PBXIP1: variants seen among roughly 807,000 people sequenced by gnomAD.
PBXIP1 encodes pre-B-cell leukemia transcription factor-interacting protein 1.
Under a neutral mutation model 73.7 loss-of-function variants are expected in PBXIP1, and 73 were observed. The ratio of observed to expected loss-of-function variants is 0.99; its 90% CI spans 0.82 to 1.20. The LOEUF is 1.20. Ranked by LOEUF, PBXIP1 falls within the 50% of genes most tolerant of loss-of-function variation. The probability of loss-of-function intolerance (pLI) is 0.00; values close to 1 mark genes in which losing one functional copy is unlikely to be tolerated. For missense variants in PBXIP1, 818 were observed against 911.4 expected, an observed-to-expected ratio of 0.90 and a Z score of 1.32; for synonymous variants, 330 against 366.9, an observed-to-expected ratio of 0.90 and a Z score of 1.15.
intron 9 of PBXIP1, 93 bp from the exon 10 acceptor site, chr1:154,946,896 G>T: frequency 7.7e-7 from 1 of 1,301,452 alleles, no homozygotes; most frequent in Non-Finnish European, 1.0e-6. Context: ...ATTATAGTGG[G>T]CAGGTGGCCT....
chr1:154,948,133 CT>C lies in PBXIP1; in HGVS notation c.642del (p.Gly215ValfsTer35), dbSNP rs1193438730. 1 of 1,579,284 alleles carries C rather than the reference CT, an allele frequency of 6.3e-7. No individual in the cohort carries two copies. Among genetic ancestry groups the C allele is most frequent in the Admixed American group, 1.8e-5 (1 of 55,992 alleles). On this transcript the variant is annotated frameshift_variant and splice_region_variant, in exon 6 of 11. Coordinates refer to ENST00000368463, the MANE Select transcript of PBXIP1 (RefSeq NM_020524.4). LOFTEE classifies it high-confidence loss of function. ...VLLGLGVLLF[S>X]GGLSESETGP... is the part of the protein sequence containing the mutation. ...CCCCAGCCTCAGAGGTACCACTCAC[CT>C]GAGAAGAGGAGGACCCCCAGGCCAA...
At position 154,944,391 on chromosome 1, in the gene PBXIP1, C is replaced by T. The variant is rs562759017; in HGVS notation, c.*633G>A. 8 of 152,570 alleles carry T rather than the reference C, an allele frequency of 5.2e-5. No individual in the cohort carries two copies. Among genetic ancestry groups the T allele is most frequent in the African/African-American group, 1.9e-4 (8 of 41,386 alleles). The allele number at this position is 152,570 out of a possible 1,614,324, so 9.5% of individuals were successfully genotyped here. ...AGTGCCTGGGATGGACCCATCCATTCAGGCAGGGGGTGTGGGGTGTCCCCT... is the reference window on the plus strand; with the variant it reads ...AGTGCCTGGGATGGACCCATCCATTTAGGCAGGGGGTGTGGGGTGTCCCCT... On this transcript the variant is annotated 3_prime_UTR_variant, in exon 11 of 11. Coordinates refer to ENST00000368463, the MANE Select transcript of PBXIP1 (RefSeq NM_020524.4).
chr1:154,954,759 C>T (rs1179426321), intron 1 of PBXIP1, among the ~76,000 whole-genome samples: 2 of 152,188 alleles, frequency 1.3e-5, no homozygotes, highest in African/African-American at 4.8e-5. Context: ...GGATCCGCCC[C>T]TTCATCCAAG....
In PBXIP1 at chr1:154,948,020, A is replaced by G. The variant is rs1031363063; in HGVS notation, c.644-15T>C. 7.4e-6 allele frequency: 12 copies of G among 1,612,444 alleles called. No individual in the cohort carries two copies. The highest frequency in any genetic ancestry group is 8.5e-6 in the Non-Finnish European group (10 of 1,179,134). On this transcript the variant is annotated splice_polypyrimidine_tract_variant and intron_variant, in intron 6 of 10. Coordinates refer to ENST00000368463, the MANE Select transcript of PBXIP1 (RefSeq NM_020524.4). ...TGAGAGGCCACCTAAGGACAGAGAC[A>G]GAGGAGTCTGATGAGGCCCTCGGGG... is the stretch of plus-strand genomic sequence containing the variant.
In PBXIP1 at chr1:154,945,850, G is replaced by A. The variant is rs763095769; in HGVS notation, c.1824C>T (p.Ala608=). ...AGGCCAGCTCCTGTTGCCGCACTGGGGCTAGCTCTGTGCCAAAGAAAGTCA... is the reference window on the plus strand; with the variant it reads ...AGGCCAGCTCCTGTTGCCGCACTGGAGCTAGCTCTGTGCCAAAGAAAGTCA... ...EGLTFFGTEL[A]PVRQQELASL... The change falls in exon 10 of 11, where the codon GCC becomes GCT. Residue 608 remains alanine (A), a synonymous_variant. Coordinates refer to ENST00000368463, the MANE Select transcript of PBXIP1 (RefSeq NM_020524.4). The A allele has an allele frequency of 1.2e-5, 20 of 1,614,158 alleles. No individual in the cohort carries two copies. The South Asian group carries it at 1.8e-4, about 14-fold the overall frequency.
In PBXIP1 at chr1:154,946,514, A is replaced by G. The variant is rs766776230; in HGVS notation, c.1160T>C (p.Leu387Pro). The G allele has an allele frequency of 1.2e-6, 2 of 1,610,476 alleles. No individual in the cohort carries two copies. The highest frequency in any genetic ancestry group is 2.2e-5 in the South Asian group (2 of 91,088). The change falls in exon 10 of 11, where the codon CTG becomes CCG. Residue 387 changes from leucine to proline, a missense_variant. Leu to Pro is a moderately conservative substitution (Grantham distance 98, BLOSUM62 -3). Transcript: ENST00000368463. ...ELSFLKQKEQ[L>P]EAEAQALRQE... ...CCTTAATGCCTGTGCCTCAGCCTCCAGCTGTTCCTTCTGCTTCAGGAAGCT... is the reference window on the plus strand; with the variant it reads ...CCTTAATGCCTGTGCCTCAGCCTCCGGCTGTTCCTTCTGCTTCAGGAAGCT...
intron 1 of PBXIP1, among the ~76,000 whole-genome samples, chr1:154,955,676 A>G (rs1571404615): frequency 6.6e-6 from 1 of 151,306 alleles, no homozygotes; most frequent in African/African-American, 2.4e-5. Context: ...AAGAAAACCC[A>G]CCTCCACTCC....
In PBXIP1 at chr1:154,948,367, C is replaced by A; in HGVS notation, c.410-1G>T. ...CAGCGGCCCTCCTCCCTGATCCAAG[C>A]TAGGGGAAAGGACAGGGACAGGGCA... is the stretch of plus-strand genomic sequence containing the variant. On this transcript the variant is annotated splice_acceptor_variant, in intron 5 of 10. Coordinates refer to ENST00000368463, the MANE Select transcript of PBXIP1 (RefSeq NM_020524.4). LOFTEE classifies it high-confidence loss of function. The A allele has an allele frequency of 1.3e-6, 2 of 1,581,962 alleles. No individual in the cohort carries two copies. Among genetic ancestry groups the A allele is most frequent in the Non-Finnish European group, 8.6e-7 (1 of 1,162,576 alleles).
At chr1:154,953,812 C>A in intron 1 of PBXIP1, 55 bp from the exon 2 acceptor site, 1 of 1,158,630 alleles carries the variant, frequency 8.6e-7, no homozygotes. Flanking sequence ...GGGCAGAATG[C>A]AGAAAGCAGC....
At chr1:154,949,834 G>C (rs546854704) in intron 5 of PBXIP1, among the ~76,000 whole-genome samples, 1 of 151,912 alleles carries the variant, frequency 6.6e-6, no homozygotes, top group Non-Finnish European at 1.5e-5. Flanking sequence ...GGGTCAGGAT[G>C]TGTGGGTAAA....
In PBXIP1 at chr1:154,945,758, G is replaced by A. The variant is rs1344818226; in HGVS notation, c.1916C>T (p.Ser639Leu). 8 of 1,614,250 alleles carry A rather than the reference G, an allele frequency of 5.0e-6. No individual in the cohort carries two copies. The highest frequency in any genetic ancestry group is 6.8e-6 in the Non-Finnish European group (8 of 1,180,040). The stretch of plus-strand genomic sequence containing the variant: ...GCCATCCTCACCAAAGAAAGCAGGT[G>A]AGAGGGGTAGCTCCTTGGTCAGCTG... ...AGQLTKELPL[S>L]PAFFGEDGIF... is the part of the protein sequence containing the mutation. The change falls in exon 10 of 11, where the codon TCA becomes TTA. Residue 639 changes from serine (S) to leucine (L), a missense_variant. Ser to Leu is a moderately radical substitution (Grantham distance 145). Transcript: ENST00000368463.
rs535676879 is a variant in PBXIP1, at chr1:154,952,431, G to C, written c.52-510C>G. On this transcript the variant is annotated intron_variant, in intron 2 of 10. Coordinates refer to ENST00000368463, the MANE Select transcript of PBXIP1 (RefSeq NM_020524.4). Reference sequence around the variant, plus strand: ...CCCCGACACCCGTCTCCCAGCAGCTGCTCACAGAAGCCCAACCCACCCCAA... The same window carrying C: ...CCCCGACACCCGTCTCCCAGCAGCTCCTCACAGAAGCCCAACCCACCCCAA... Among the ~76,000 whole-genome samples the C allele has an allele frequency of 2.6e-5, 4 of 151,986 alleles. No individual in the cohort carries two copies. The East Asian group carries it at 5.8e-4, about 22-fold the overall frequency.
rs952513882 is a variant in PBXIP1, at chr1:154,945,060, C to G, written c.2160G>C (p.Gly720=). ...GGTGGTGGTGGTGGCTATGGCTGTG[C>G]CCCTCCCTGGGCCCCGCAGCTCTTG... ...QSPRAAGPRE[G]HSHSHHHHHR... The change falls in exon 11 of 11, where the codon GGG becomes GGC. Residue 720 remains glycine (G), a synonymous_variant. Transcript: ENST00000368463. 2 of 1,614,072 alleles carry G rather than the reference C, an allele frequency of 1.2e-6. No homozygotes were observed. The highest frequency in any genetic ancestry group is 3.3e-5 in the Admixed American group (2 of 60,032).
In PBXIP1 at chr1:154,948,023, G is replaced by A; in HGVS notation, c.644-18C>T. 1.9e-6 allele frequency: 3 copies of A among 1,611,554 alleles called. No homozygotes were observed. The highest frequency in any genetic ancestry group is 2.5e-6 in the Non-Finnish European group (3 of 1,178,796). The stretch of plus-strand genomic sequence containing the variant: ...GAGGCCACCTAAGGACAGAGACAGA[G>A]GAGTCTGATGAGGCCCTCGGGGAGG... On this transcript the variant is annotated intron_variant, in intron 6 of 10. Transcript: ENST00000368463.
chr1:154,951,816 C>G lies in PBXIP1; in HGVS notation c.157G>C (p.Ala53Pro). ...GTACCTTCTCCATCCATGGTCCCAGCTAATTCTTTCCCATCTGTCTTGGAG... is the reference window on the plus strand; with the variant it reads ...GTACCTTCTCCATCCATGGTCCCAGGTAATTCTTTCCCATCTGTCTTGGAG... ...SPSKTDGKEL[A>P]GTMDGEGTLF... The change falls in exon 3 of 11, where the codon GCT becomes CCT. Residue 53 changes from alanine to proline, a missense_variant. By Grantham distance (27) the Ala-to-Pro change is conservative. Transcript: ENST00000368463. The surrounding 1 kb of genome is among the most constrained non-coding windows in gnomAD (Gnocchi z 4.3). 6.2e-7 allele frequency: 1 copy of G among 1,614,038 alleles called. No individual in the cohort carries two copies. Among genetic ancestry groups the G allele is most frequent in the Non-Finnish European group, 8.5e-7 (1 of 1,179,978 alleles).
At position 154,946,291 on chromosome 1, in the gene PBXIP1, G is replaced by T; in HGVS notation, c.1383C>A (p.His461Gln). 3.1e-6 allele frequency: 5 copies of T among 1,614,096 alleles called. No individual in the cohort carries two copies. Among genetic ancestry groups the T allele is most frequent in the Non-Finnish European group, 3.4e-6 (4 of 1,180,020 alleles). The change falls in exon 10 of 11, where the codon CAC becomes CAA. Residue 461 changes from histidine (H) to glutamine (Q), a missense_variant. His to Gln is a conservative substitution (Grantham distance 24). Transcript: ENST00000368463. ...GVSANASKAW[H>Q]QKSHFQNSRE... is the part of the protein sequence containing the mutation. The stretch of plus-strand genomic sequence containing the variant: ...TAGAATTCTGGAAGTGGGACTTCTG[G>T]TGCCAGGCCTTTGAGGCATTGGCAG...
chr1:154,946,000 A>G lies in PBXIP1; in HGVS notation c.1674T>C (p.Pro558=). ...TGTCCTTAGTCCCTTCCCTCCACCG[A>G]GGTTGCTTCTGCTTTTCTCCAGAGG... ...FHSSGEKQKQ[P]RWREGTKDSH... is the part of the protein sequence containing the mutation. Residue 558 remains proline (P), a synonymous_variant, in exon 10 of 11, where the codon CCT becomes CCC. Transcript: ENST00000368463. 1 of 1,614,008 alleles carries G rather than the reference A, an allele frequency of 6.2e-7. No individual in the cohort carries two copies. Among genetic ancestry groups the G allele is most frequent in the Non-Finnish European group, 8.5e-7 (1 of 1,179,932 alleles).
rs1223902499 is a variant in PBXIP1 at position 154,945,965 on chromosome 1, G to C, written c.1709C>G (p.Pro570Arg). Residue 570 changes from proline to arginine, a missense_variant, in exon 10 of 11, where the codon CCC becomes CGC. Pro to Arg is a moderately radical substitution (Grantham distance 103). Transcript: ENST00000368463. ...CAACAGCTCTGCCCAGGATGGCAGG[G>C]GGTCATGGCTGTCCTTAGTCCCTTC... ...WREGTKDSHD[P>R]LPSWAELLRP... is the part of the protein sequence containing the mutation. The C allele has an allele frequency of 1.9e-6, 3 of 1,613,876 alleles. No homozygotes were observed. Among genetic ancestry groups the C allele is most frequent in the African/African-American group, 1.3e-5 (1 of 74,928 alleles).
At chr1:154,954,769 G>A (rs1251512558) in intron 1 of PBXIP1, among the ~76,000 whole-genome samples, 1 of 152,140 alleles carries the variant, frequency 6.6e-6, no homozygotes, top group Non-Finnish European at 1.5e-5. Context: ...CTTCATCCAA[G>A]GCTAAAACAG....
Sources: gnomAD v4.1 joint callset for allele counts (sites outside exome capture counted in the v4.1 genomes callset) on GRCh38, gnomAD v4.1.1 for gene constraint, Gnocchi (gnomAD v3.1) non-coding constraint, MANE v1.5 for transcripts, NCBI Gene and HGNC (gene_info 2026-07-23, HGNC 2026-07-21) for gene names.